The following MYT1L variants were observed in gnomAD, a reference collection of about 807,000 sequenced individuals.
MYT1L encodes the protein myelin transcription factor 1-like protein.
MYT1L carries 12 observed loss-of-function variants against 126.7 expected under a neutral mutation model. The observed-to-expected ratio is 0.09, with a 90% CI of 0.06 to 0.15. The LOEUF (loss-of-function observed/expected upper bound fraction) is 0.15, where lower values mean the gene tolerates loss of function less well. Among genes scored for constraint, MYT1L ranks in the 10% least tolerant of loss-of-function variants. MYT1L has a pLI of 1.00. For synonymous variants in MYT1L, 541 were observed against 604.2 expected (o/e 0.90, Z 1.53); for missense variants, 979 against 1,585.2 (o/e 0.62, Z 6.49).
intron 2 of MYT1L, among the ~76,000 whole-genome samples, chr2:2,183,678 C>A (rs574912685): frequency 2.0e-5 from 3 of 151,728 alleles, no homozygotes; most frequent in Non-Finnish European, 4.4e-5. Context: ...ATTCAGAATC[C>A]CACATGTAGT....
At chr2:2,246,153 A>G (rs1003971237) in intron 2 of MYT1L, among the ~76,000 whole-genome samples, 2 of 152,136 alleles carry the variant, frequency 1.3e-5, no homozygotes, top group South Asian at 2.1e-4. Flanking sequence ...GGCACCTGGT[A>G]TGTTTTCCTG....
rs757525379 is a variant in MYT1L, at chr2:1,839,154, G to A, written c.3075C>T (p.His1025=). The part of the protein sequence containing the change: ...SGHVSGSFLT[H]RSLSGCPRAT... Reference sequence around the variant, plus strand: ...CCGCAGACGCGGCCACTCACCTGCGGTGTGTGAGGAAGCTGCCGCTGACGT... The same window carrying A: ...CCGCAGACGCGGCCACTCACCTGCGATGTGTGAGGAAGCTGCCGCTGACGT... The change falls in exon 21 of 25, where the codon CAC becomes CAT. Residue 1025 remains histidine, a synonymous_variant. Transcript: ENST00000647738. 40 of 1,611,398 alleles carry A rather than the reference G, an allele frequency of 2.5e-5. No individual in the cohort carries two copies. The South Asian group carries it at 4.0e-4, about 16-fold the overall frequency.
At chr2:1,818,896 ACAGTGACCTCTGTGG>A (rs2038098217) in intron 21 of MYT1L, among the ~76,000 whole-genome samples, 1 of 152,174 alleles carries the variant, frequency 6.6e-6, no homozygotes, top group African/African-American at 2.4e-5. Flanking sequence ...CGTTTCTAGA[ACAGTGACCTCTGTGG>A]CAGGTGGACG....
At chr2:2,272,896 G>C (rs1437352446) in intron 2 of MYT1L, among the ~76,000 whole-genome samples, 2 of 152,120 alleles carry the variant, frequency 1.3e-5, no homozygotes, top group East Asian at 3.9e-4. Context: ...AGGGCGTCCA[G>C]GTGTCTCCCA....
At position 2,200,390 on chromosome 2, in the gene MYT1L, A is replaced by G. The variant is rs74725082; in HGVS notation, c.-420-27402T>C. Among the ~76,000 whole-genome samples the G allele has an allele frequency of 3.9e-3, 601 of 152,292 alleles. 2 individuals are homozygous for G. Among genetic ancestry groups the G allele is most frequent in the African/African-American group, 0.014 (582 of 41,560 alleles). On this transcript the variant is annotated intron_variant, in intron 2 of 24. Transcript: ENST00000647738. The stretch of plus-strand genomic sequence containing the variant: ...GAGGCTCCAAGGAACCTCTGTGTCC[A>G]TGCGTTTTTCTGCTTCTGGAGGCCA...
intron 2 of MYT1L, among the ~76,000 whole-genome samples, chr2:2,215,071 G>A (rs931674327): frequency 6.6e-6 from 1 of 152,046 alleles, no homozygotes; most frequent in Non-Finnish European, 1.5e-5. Context: ...GCAATTATAA[G>A]CATTATGCAT....
intron 9 of MYT1L, 132 bp from the exon 10 acceptor site, chr2:1,923,395 G>A: frequency 1.3e-6 from 1 of 770,488 alleles, no homozygotes; most frequent in Non-Finnish European, 2.0e-6. Flanking sequence ...AGAACTGTAA[G>A]TCCCATTTGC....
chr2:2,128,226 A>C (rs997548311), intron 3 of MYT1L, among the ~76,000 whole-genome samples: 1 of 152,118 alleles, frequency 6.6e-6, no homozygotes, highest in African/African-American at 2.4e-5. Flanking sequence ...GGCTCAGTGC[A>C]ATCTCCACCT....
chr2:2,153,249 C>T (rs2086115708), intron 3 of MYT1L, among the ~76,000 whole-genome samples: 1 of 152,090 alleles, frequency 6.6e-6, no homozygotes, highest in South Asian at 2.1e-4. Context: ...CAGCTATGAA[C>T]GAGACCCTGC....
intron 8 of MYT1L, among the ~76,000 whole-genome samples, chr2:1,957,918 G>A (rs1032208267): frequency 4.6e-5 from 7 of 152,212 alleles, no homozygotes; most frequent in African/African-American, 9.6e-5. Context: ...TAAGGTGAAC[G>A]ACGAGCTGTT....
At chr2:2,238,673 C>A (rs1190616930) in intron 2 of MYT1L, among the ~76,000 whole-genome samples, 2 of 152,208 alleles carry the variant, frequency 1.3e-5, no homozygotes, top group African/African-American at 2.4e-5. Context: ...GCGTTACAAT[C>A]TCCGTGTAGG....
chr2:1,932,141 C>T (rs10182238), intron 9 of MYT1L, among the ~76,000 whole-genome samples: 6,542 of 152,188 alleles, frequency 0.043, 212 homozygotes, highest in Non-Finnish European at 0.058. Context: ...TTGGAAGATC[C>T]CCCACAGCTG....
chr2:1,971,321 C>A (rs2059792320), intron 8 of MYT1L, among the ~76,000 whole-genome samples: 1 of 152,210 alleles, frequency 6.6e-6, no homozygotes, highest in African/African-American at 2.4e-5. Flanking sequence ...CTGGGGCTGA[C>A]GCACTACAGA....
At chr2:1,890,614 G>T (rs780482430) in intron 15 of MYT1L, among the ~76,000 whole-genome samples, 3 of 151,898 alleles carry the variant, frequency 2.0e-5, no homozygotes, top group Non-Finnish European at 4.4e-5. Context: ...CAGGAAGAGA[G>T]TCAGAAGAAT....
At chr2:1,858,516 A>G (rs535732913) in intron 18 of MYT1L, among the ~76,000 whole-genome samples, 2 of 152,376 alleles carry the variant, frequency 1.3e-5, no homozygotes, top group Non-Finnish European at 2.9e-5. Context: ...AATTGTATGT[A>G]ATCCAGAGAA....
intron 1 of MYT1L, among the ~76,000 whole-genome samples, chr2:2,310,593 C>G (rs1229031600): frequency 6.6e-6 from 1 of 152,098 alleles, no homozygotes; most frequent in Non-Finnish European, 1.5e-5. Flanking sequence ...CTGCTAGAAC[C>G]CTACGTTTTC....
At chr2:1,842,972 T>C (rs562222112) in intron 19 of MYT1L, 1 of 162,418 alleles carries the variant, frequency 6.2e-6, no homozygotes, top group South Asian at 1.5e-4. Flanking sequence ...CGCGCGGTGC[T>C]AGTACCGGCC....
At chr2:2,225,688 G>A (rs369259460) in intron 2 of MYT1L, among the ~76,000 whole-genome samples, 6 of 152,112 alleles carry the variant, frequency 3.9e-5, no homozygotes, top group South Asian at 2.1e-4. Context: ...GAGCCGGGGC[G>A]GGGGTGGGGG....
chr2:2,212,701 C>A (rs2093563755), intron 2 of MYT1L, among the ~76,000 whole-genome samples: 1 of 152,176 alleles, frequency 6.6e-6, no homozygotes, highest in Non-Finnish European at 1.5e-5. Flanking sequence ...TAATTGTTAA[C>A]ATTTCTCTAG....
Sources: allele counts gnomAD v4.1 joint callset (sites outside exome capture counted in the v4.1 genomes callset), GRCh38; gene constraint gnomAD v4.1.1; transcripts MANE v1.5; gene names NCBI Gene and HGNC (gene_info 2026-07-23, HGNC 2026-07-21).